Variants in RUNX1 observed in about 807,000 individuals in gnomAD.
RUNX1 encodes runt-related transcription factor 1.
Under a neutral mutation model 42.8 loss-of-function variants are expected in RUNX1, and 19 were observed. The observed-to-expected ratio is 0.44, with a 90% confidence interval of 0.31 to 0.65. RUNX1 has a LOEUF of 0.65. Among genes scored for constraint, RUNX1 ranks in the 30% least tolerant of loss-of-function variants. RUNX1 has a pLI of 0.07. For missense variants in RUNX1, 528 were observed against 672.0 expected (o/e 0.79, Z 2.37); for synonymous variants, 271 against 289.4 (o/e 0.94, Z 0.64).
intron 2 of RUNX1, among the ~76,000 whole-genome samples, chr21:34,978,432 T>C (rs920280587): frequency 2.0e-5 from 3 of 152,280 alleles, no homozygotes; most frequent in African/African-American, 7.2e-5. Flanking sequence ...TCATTTTTAC[T>C]GTCCTCAGGA....
intron 7 of RUNX1, among the ~76,000 whole-genome samples, chr21:34,827,035 A>C (rs1421164815): frequency 1.3e-5 from 2 of 152,230 alleles, no homozygotes; most frequent in Non-Finnish European, 2.9e-5. Flanking sequence ...AGATTACTTA[A>C]GTGATTACTT....
intron 6 of RUNX1, among the ~76,000 whole-genome samples, chr21:34,836,996 T>C (rs1268531554): frequency 6.6e-6 from 1 of 152,304 alleles, no homozygotes; most frequent in East Asian, 1.9e-4. Flanking sequence ...TTTGTTTGTT[T>C]GTTTCTTTGT....
intron 2 of RUNX1, among the ~76,000 whole-genome samples, chr21:34,953,412 G>A (rs915332051): frequency 2.0e-5 from 3 of 152,116 alleles, no homozygotes; most frequent in African/African-American, 7.2e-5. Flanking sequence ...TTTCTAAAGG[G>A]CCTTTTCCTT....
rs371971118 is a variant in RUNX1, at chr21:34,842,492, CAAAAAAA to C, written c.614-7898_614-7892del. Among the ~76,000 whole-genome samples, 8 of 52,216 alleles carry C rather than the reference CAAAAAAA, an allele frequency of 1.5e-4. No individual in the cohort carries two copies. In the East Asian group the frequency reaches 1.8e-3, roughly 12 times the overall value. The allele number at this position is 52,216 out of a possible 152,430, so 34.3% of individuals were successfully genotyped here. A position where few individuals can be genotyped will look rare whatever the true frequency, so the allele number is the denominator to read the frequency against. On this transcript the variant is annotated intron_variant, in intron 6 of 8. Coordinates refer to ENST00000675419, the MANE Select transcript of RUNX1 (RefSeq NM_001754.5). ...ACTGGGTGACAGAGGGAGACCTCTC[CAAAAAAA>C]AAAAAAAAAAAAAAAATTAAATCAA...
intron 2 of RUNX1, among the ~76,000 whole-genome samples, chr21:35,002,101 A>T (rs1011349387): frequency 6.6e-6 from 1 of 151,998 alleles, no homozygotes; most frequent in African/African-American, 2.4e-5. Context: ...CCCCATCAAA[A>T]TCCCAATATT....
chr21:35,047,549 ACACACACACACACTCT>A (rs1293499943), intron 2 of RUNX1, among the ~76,000 whole-genome samples: 101 of 107,714 alleles, frequency 9.4e-4, no homozygotes, highest in African/African-American at 1.2e-3. Context: ...ACACACACAC[ACACACACACACACTCT>A]CTCTCTCTCT....
chr21:34,800,638 T>C (rs2056595227), intron 7 of RUNX1, among the ~76,000 whole-genome samples: 1 of 152,224 alleles, frequency 6.6e-6, no homozygotes, highest in Admixed American at 6.5e-5. Flanking sequence ...CAGGGGCTTT[T>C]CATTTCCAGC....
At chr21:34,821,723 G>A (rs756379728) in intron 7 of RUNX1, 2 of 1,545,714 alleles carry the variant, frequency 1.3e-6, no homozygotes, top group East Asian at 2.4e-5. Flanking sequence ...TGACCAGGGA[G>A]AAAGTTCGAA....
At chr21:35,010,619 A>ACACACG (rs1257551151) in intron 2 of RUNX1, among the ~76,000 whole-genome samples, 2 of 147,416 alleles carry the variant, frequency 1.4e-5, no homozygotes, top group Non-Finnish European at 3.0e-5. Flanking sequence ...GTGAGTACAC[A>ACACACG]CACACGCACA....
At chr21:35,031,864 C>A (rs1335794391) in intron 2 of RUNX1, among the ~76,000 whole-genome samples, 1 of 152,178 alleles carries the variant, frequency 6.6e-6, no homozygotes, top group African/African-American at 2.4e-5. Flanking sequence ...CCATTGTTAT[C>A]TGTCTATGGA....
At chr21:34,821,391 C>A in intron 7 of RUNX1, 1 of 1,264,824 alleles carries the variant, frequency 7.9e-7, no homozygotes, top group Non-Finnish European at 1.0e-6. Context: ...TTAATAAATA[C>A]ACACAATGCT....
intron 6 of RUNX1, among the ~76,000 whole-genome samples, chr21:34,842,712 CACAT>C (rs1447274282): frequency 6.6e-6 from 1 of 151,994 alleles, no homozygotes; most frequent in Non-Finnish European, 1.5e-5. Flanking sequence ...CACATGCACA[CACAT>C]ACACACATAC....
At chr21:34,992,852 T>C (rs895229670) in intron 2 of RUNX1, among the ~76,000 whole-genome samples, 7 of 152,182 alleles carry the variant, frequency 4.6e-5, no homozygotes, top group African/African-American at 1.7e-4. Flanking sequence ...TGCAGCTACC[T>C]TGTGGCCAGA....
intron 2 of RUNX1, among the ~76,000 whole-genome samples, chr21:34,949,822 C>T (rs940626106): frequency 1.3e-5 from 2 of 152,218 alleles, no homozygotes; most frequent in Non-Finnish European, 2.9e-5. Flanking sequence ...AGGAACTAGG[C>T]CCTGGGAGTA....
chr21:34,794,867 G>A (rs1050208924), intron 8 of RUNX1, among the ~76,000 whole-genome samples: 35 of 152,096 alleles, frequency 2.3e-4, no homozygotes, highest in African/African-American at 8.0e-4. Context: ...TAGTAGCATC[G>A]CCCGCCCCTC....
At chr21:34,913,293 C>A (rs1444926262) in intron 2 of RUNX1, among the ~76,000 whole-genome samples, 1 of 152,110 alleles carries the variant, frequency 6.6e-6, no homozygotes, top group East Asian at 1.9e-4. Context: ...AAGGAGGGAG[C>A]AGTGGCTTTG....
intron 2 of RUNX1, among the ~76,000 whole-genome samples, chr21:34,928,184 A>G (rs2058410530): frequency 6.6e-6 from 1 of 152,182 alleles, no homozygotes; most frequent in Non-Finnish European, 1.5e-5. Flanking sequence ...CTCAGTAGCC[A>G]CATGTGGCTA....
At chr21:34,943,648 G>A (rs2058544264) in intron 2 of RUNX1, among the ~76,000 whole-genome samples, 1 of 152,168 alleles carries the variant, frequency 6.6e-6, no homozygotes, top group Non-Finnish European at 1.5e-5. Flanking sequence ...AGTTGTTTAT[G>A]TTGATGTTTT....
chr21:34,883,819 C>A (rs1349220957), intron 4 of RUNX1, among the ~76,000 whole-genome samples: 1 of 152,236 alleles, frequency 6.6e-6, no homozygotes, highest in East Asian at 1.9e-4. Context: ...AGTTACAATT[C>A]ATTTACTTCA....
Sources: allele counts gnomAD v4.1 joint callset (sites outside exome capture counted in the v4.1 genomes callset), GRCh38; gene constraint gnomAD v4.1.1; transcripts MANE v1.5; gene names NCBI Gene and HGNC (gene_info 2026-07-23, HGNC 2026-07-21).